The following ADGRV1 variants were observed in gnomAD, a reference collection of about 807,000 sequenced individuals.
The protein encoded by ADGRV1 is G-protein coupled receptor 98.
A neutral mutation model predicts 596.2 loss-of-function variants in ADGRV1; 359 were observed. The observed-to-expected ratio is 0.60, with a 90% CI of 0.55 to 0.66. The LOEUF is 0.66. ADGRV1 is among the 30% of genes least tolerant of loss of function. The probability of loss-of-function intolerance (pLI) is 0.00; values close to 1 mark genes in which losing one functional copy is unlikely to be tolerated. For missense variants in ADGRV1, 7,274 were observed against 7,575.6 expected, an observed-to-expected ratio of 0.96 and a Z score of 1.48; for synonymous variants, 2,681 against 2,679.2, an observed-to-expected ratio of 1.00 and a Z score of -0.02.
intron 87 of ADGRV1, among the ~76,000 whole-genome samples, chr5:91,116,462 C>T (rs1364949594): frequency 6.6e-6 from 1 of 152,190 alleles, no homozygotes; most frequent in Non-Finnish European, 1.5e-5. Context: ...CTGCCTTTCT[C>T]TTGTCCCTAA....
intron 85 of ADGRV1, among the ~76,000 whole-genome samples, chr5:91,044,433 T>A (rs750781752): frequency 3.9e-5 from 6 of 152,204 alleles, no homozygotes; most frequent in Non-Finnish European, 7.4e-5. Flanking sequence ...AAAAGTCACT[T>A]TTTTAAGTAG....
At chr5:90,998,740 A>G (rs561566489) in intron 85 of ADGRV1, among the ~76,000 whole-genome samples, 2 of 152,304 alleles carry the variant, frequency 1.3e-5, no homozygotes, top group Admixed American at 1.3e-4. Flanking sequence ...TGTTTACACT[A>G]AAGCAACAAA....
chr5:90,784,131 C>A, intron 67 of ADGRV1, 74 bp downstream of exon 67: 1 of 923,736 alleles, frequency 1.1e-6, no homozygotes, highest in Non-Finnish European at 1.6e-6. Context: ...TTCTCATTGC[C>A]CAAGTATATT....
chr5:90,917,805 G>C (rs144033991), intron 83 of ADGRV1, among the ~76,000 whole-genome samples: 18 of 152,130 alleles, frequency 1.2e-4, no homozygotes, highest in African/African-American at 3.9e-4. Context: ...AGTTTTTATT[G>C]TTCTCTTTCT....
chr5:90,699,729 A>C (rs1424019108), intron 34 of ADGRV1, among the ~76,000 whole-genome samples: 3 of 152,186 alleles, frequency 2.0e-5, no homozygotes, highest in African/African-American at 4.8e-5. Context: ...GGGTACCACA[A>C]CATCTTGGAG....
intron 82 of ADGRV1, among the ~76,000 whole-genome samples, chr5:90,857,146 A>T (rs2150422425): frequency 6.6e-6 from 1 of 152,252 alleles, no homozygotes; most frequent in Admixed American, 6.5e-5. Flanking sequence ...ATAAAGGATG[A>T]CATTTCTTAT....
chr5:90,892,908 T>C (rs910700214), intron 83 of ADGRV1, among the ~76,000 whole-genome samples: 5 of 152,194 alleles, frequency 3.3e-5, no homozygotes, highest in African/African-American at 9.7e-5. Flanking sequence ...ACTTACCCAA[T>C]TGACTTTGGC....
chr5:90,803,645 G>A (rs1161413252), intron 71 of ADGRV1, among the ~76,000 whole-genome samples: 1 of 152,148 alleles, frequency 6.6e-6, no homozygotes, highest in Non-Finnish European at 1.5e-5. Context: ...ACTCCCGCCT[G>A]AGCATCTTCT....
At chr5:91,037,018 T>TA (rs1451443565) in intron 85 of ADGRV1, among the ~76,000 whole-genome samples, 2 of 152,198 alleles carry the variant, frequency 1.3e-5, no homozygotes, top group Non-Finnish European at 2.9e-5. Flanking sequence ...TACTGACAGA[T>TA]ATGAACATTC....
At chr5:91,062,894 A>G (rs556700568) in intron 85 of ADGRV1, among the ~76,000 whole-genome samples, 31 of 150,418 alleles carry the variant, frequency 2.1e-4, no homozygotes, top group Non-Finnish European at 3.8e-4. Context: ...AAGATTAACT[A>G]GTTAATTAGG....
chr5:91,036,776 A>G (rs1784950976), intron 85 of ADGRV1, among the ~76,000 whole-genome samples: 1 of 152,142 alleles, frequency 6.6e-6, no homozygotes, highest in African/African-American at 2.4e-5. Flanking sequence ...TAAAGTAGTG[A>G]TTACCCAGGG....
Position 90,716,531 on chromosome 5 carries a change from C to A in ADGRV1, c.9249C>A (p.His3083Gln). Residue 3083 changes from histidine (H) to glutamine (Q), a missense_variant, in exon 43 of 90, where the codon CAC (histidine) becomes CAA (glutamine). Physicochemically the swap from His to Gln is conservative, Grantham distance 24. Coordinates refer to ENST00000405460, the MANE Select transcript of ADGRV1 (RefSeq NM_032119.4). ...PGVLSFNNSE[H>Q]FFLREPTALY... ...TTCTATCATTTAACAACAGTGAGCA[C>A]TTTTTCCTAAGAGAGCCAACAGCTC... The A allele has an allele frequency of 2.5e-6, 4 of 1,612,130 alleles. No homozygotes were observed. The highest frequency in any genetic ancestry group is 3.4e-6 in the Non-Finnish European group (4 of 1,178,856).
intron 81 of ADGRV1, among the ~76,000 whole-genome samples, chr5:90,854,533 C>T (rs913676683): frequency 6.6e-6 from 1 of 152,062 alleles, no homozygotes; most frequent in Non-Finnish European, 1.5e-5. Context: ...CTTCTTTTAC[C>T]CTTTCCATCT....
chr5:90,651,952 C>A (rs904148407), intron 18 of ADGRV1, among the ~76,000 whole-genome samples: 4 of 151,346 alleles, frequency 2.6e-5, no homozygotes, highest in Admixed American at 6.6e-5. Context: ...TCCCCACCCC[C>A]CTCGTTCAAA....
At chr5:90,929,935 C>G (rs1265029752) in intron 83 of ADGRV1, among the ~76,000 whole-genome samples, 4 of 151,976 alleles carry the variant, frequency 2.6e-5, no homozygotes, top group Non-Finnish European at 5.9e-5. Context: ...TCCATTTCTG[C>G]TTGTATTTTA....
At chr5:90,858,001 A>G (rs373317390) in intron 82 of ADGRV1, among the ~76,000 whole-genome samples, 72 of 152,290 alleles carry the variant, frequency 4.7e-4, no homozygotes, top group Non-Finnish European at 1.0e-3. Flanking sequence ...TCTATTTACT[A>G]TACTAGAGCA....
chr5:90,997,461 A>G (rs1026348643), intron 85 of ADGRV1, among the ~76,000 whole-genome samples: 2 of 152,096 alleles, frequency 1.3e-5, no homozygotes, highest in Non-Finnish European at 2.9e-5. Context: ...AGGCCTCCCC[A>G]GCCATGTTTC....
intron 86 of ADGRV1, among the ~76,000 whole-genome samples, chr5:91,100,786 G>A (rs535217189): frequency 3.3e-5 from 5 of 152,116 alleles, no homozygotes; most frequent in Admixed American, 1.3e-4. Context: ...GAGTTCTTGC[G>A]TCACCTTATA....
chr5:91,058,269 A>G (rs1175835455), intron 85 of ADGRV1, among the ~76,000 whole-genome samples: 1 of 152,044 alleles, frequency 6.6e-6, no homozygotes, highest in East Asian at 1.9e-4. Flanking sequence ...CTCAGATTCA[A>G]TGAAGGAACT....
Sources: gnomAD v4.1 joint callset for allele counts (sites outside exome capture counted in the v4.1 genomes callset) on GRCh38, gnomAD v4.1.1 for gene constraint, MANE v1.5 for transcripts, NCBI Gene and HGNC (gene_info 2026-07-23, HGNC 2026-07-21) for gene names.